The following KLHL29 variants were observed in gnomAD, a reference collection of about 807,000 sequenced individuals.
KLHL29 encodes kelch like family member 29, also known as kelch-like protein 29.
In KLHL29, 21 loss-of-function variants were observed where a neutral mutation model predicts 80.4. The ratio of observed to expected loss-of-function variants is 0.26; its 90% CI spans 0.19 to 0.38. KLHL29 has a LOEUF of 0.38. KLHL29 is among the 10% of genes least tolerant of loss of function. The pLI is 1.00. For missense variants in KLHL29, 867 were observed against 1,223.9 expected, an observed-to-expected ratio of 0.71 and a Z score of 4.35; for synonymous variants, 511 against 526.8, an observed-to-expected ratio of 0.97 and a Z score of 0.41.
chr2:23,433,752 G>A (rs925321211), intron 1 of KLHL29, among the ~76,000 whole-genome samples: 1 of 151,954 alleles, frequency 6.6e-6, no homozygotes, highest in African/African-American at 2.4e-5. Flanking sequence ...CCATCTCTAC[G>A]AAAAAAATTT....
rs1410444628 is a variant in KLHL29, at chr2:23,562,210, A to T, written c.14A>T (p.His5Leu). 6.4e-7 allele frequency: 1 copy of T among 1,550,658 alleles called. No individual in the cohort carries two copies. Among genetic ancestry groups the T allele is most frequent in the Non-Finnish European group, 8.7e-7 (1 of 1,146,966 alleles). Residue 5 changes from histidine (H) to leucine (L), a missense_variant, in exon 3 of 14, where the codon CAT (histidine) becomes CTT (leucine). This residue lies in a region of KLHL29 where 424 missense variants were observed against 456.9 expected (regional missense o/e 0.93). Coordinates refer to ENST00000486442, the MANE Select transcript of KLHL29 (RefSeq NM_052920.2). This position sits in a 1 kb window ranked among gnomAD's most constrained non-coding sequence, Gnocchi z 4.5. MSRH[H>L]SRFERDYRVG... ...CGGCCCACCGAGATGTCCCGGCACC[A>T]TAGCCGCTTCGAAAGAGATTACCGG...
Position 23,586,390 on chromosome 2 carries a change from C to T in KLHL29, c.285+23909C>T, listed in dbSNP as rs144411618. ...TTTTTTTTTTTTTTTTTTTTTGAGACGGACTCTTGTCCAGGCTGGAGTGCA... is the reference window on the plus strand; with the variant it reads ...TTTTTTTTTTTTTTTTTTTTTGAGATGGACTCTTGTCCAGGCTGGAGTGCA... On this transcript the variant is annotated intron_variant, in intron 3 of 13. Coordinates refer to ENST00000486442, the MANE Select transcript of KLHL29 (RefSeq NM_052920.2). Among the ~76,000 whole-genome samples, 32 of 111,756 alleles carry T rather than the reference C, an allele frequency of 2.9e-4. 1 individual carries two copies. Among genetic ancestry groups the T allele is most frequent in the African/African-American group, 1.1e-3 (29 of 26,352 alleles). The allele number at this position is 111,756 out of a possible 152,430, so 73.3% of individuals were successfully genotyped here.
intron 3 of KLHL29, among the ~76,000 whole-genome samples, chr2:23,635,407 G>A (rs1053725295): frequency 4.6e-5 from 7 of 152,168 alleles, no homozygotes; most frequent in Non-Finnish European, 1.0e-4. Flanking sequence ...TTCCCCCCAA[G>A]CTGGTGGAGT....
intron 3 of KLHL29, among the ~76,000 whole-genome samples, chr2:23,581,139 G>T (rs573892280): frequency 1.4e-4 from 21 of 151,896 alleles, no homozygotes; most frequent in African/African-American, 5.1e-4. Flanking sequence ...AAGGAGTGTA[G>T]CATTTAAACA....
intron 3 of KLHL29, among the ~76,000 whole-genome samples, chr2:23,618,915 C>G (rs4665233): frequency 0.35 from 53,514 of 152,074 alleles, 10,284 homozygotes; most frequent in East Asian, 0.63. Flanking sequence ...AGCCACCACT[C>G]CTCTCTGCTG....
intron 5 of KLHL29, among the ~76,000 whole-genome samples, chr2:23,663,379 C>G (rs1165765477): frequency 6.6e-6 from 1 of 152,208 alleles, no homozygotes; most frequent in Non-Finnish European, 1.5e-5. Context: ...TGCCTGTGCC[C>G]GGCAGGAGAA....
intron 1 of KLHL29, among the ~76,000 whole-genome samples, chr2:23,402,906 T>A (rs1666629044): frequency 6.6e-6 from 1 of 150,890 alleles, no homozygotes; most frequent in Non-Finnish European, 1.5e-5. Flanking sequence ...TCTTTAAATC[T>A]ATGTATGTGT....
At chr2:23,568,211 T>A (rs962506654) in intron 3 of KLHL29, among the ~76,000 whole-genome samples, 1 of 152,166 alleles carries the variant, frequency 6.6e-6, no homozygotes, top group African/African-American at 2.4e-5. Flanking sequence ...AAAAAGTCCA[T>A]ACACGGATTC....
intron 3 of KLHL29, among the ~76,000 whole-genome samples, chr2:23,609,070 C>A (rs1290357932): frequency 6.6e-6 from 1 of 152,184 alleles, no homozygotes; most frequent in Non-Finnish European, 1.5e-5. Context: ...GTCTGTGATT[C>A]TATCAACCTG....
chr2:23,706,805 T>C lies in KLHL29; in HGVS notation c.*141T>C. 2 of 597,634 alleles carry C rather than the reference T, an allele frequency of 3.3e-6. No individual in the cohort carries two copies. The highest frequency in any genetic ancestry group is 5.5e-6 in the Non-Finnish European group (2 of 361,562). 37.0% of individuals were successfully genotyped at this position (597,634 alleles called of 1,614,324 possible). On this transcript the variant is annotated 3_prime_UTR_variant, in exon 14 of 14. Transcript: ENST00000486442. ...ACTGCGCTCAACATGTTGAATATTC[T>C]CTACATTGAATGTAGAAAATCATCC... is the stretch of plus-strand genomic sequence containing the variant.
intron 2 of KLHL29, among the ~76,000 whole-genome samples, chr2:23,481,148 G>A (rs1250071045): frequency 6.6e-6 from 1 of 152,154 alleles, no homozygotes; most frequent in Non-Finnish European, 1.5e-5. Context: ...TCAGTCTCTG[G>A]GAGGTGGATC....
chr2:23,531,508 C>G (rs573904661), intron 2 of KLHL29, among the ~76,000 whole-genome samples: 20 of 152,340 alleles, frequency 1.3e-4, no homozygotes, highest in African/African-American at 4.8e-4. Flanking sequence ...TCCGAGCCGC[C>G]AGGACGGAGC....
At chr2:23,672,937 A>C (rs1376666096) in intron 5 of KLHL29, 1 of 152,276 alleles carries the variant, frequency 6.6e-6, no homozygotes, top group East Asian at 1.9e-4. Context: ...CCGTGCGTGC[A>C]GGGTCAGGCC....
At chr2:23,435,032 C>G (rs941079634) in intron 1 of KLHL29, among the ~76,000 whole-genome samples, 1 of 152,168 alleles carries the variant, frequency 6.6e-6, no homozygotes, top group Non-Finnish European at 1.5e-5. Flanking sequence ...GCTGATGAAA[C>G]GCCATTCCAT....
In KLHL29 at chr2:23,696,573, G is replaced by A. The variant is rs1305490201; in HGVS notation, c.2105+60G>A. The A allele has an allele frequency of 8.3e-6, 11 of 1,327,444 alleles. No homozygotes were observed. Among genetic ancestry groups the A allele is most frequent in the Admixed American group, 2.5e-5 (1 of 40,136 alleles). 82.2% of individuals were successfully genotyped at this position (1,327,444 alleles called of 1,614,324 possible). A position where few individuals can be genotyped will look rare whatever the true frequency, so the allele number is the denominator to read the frequency against. On this transcript the variant is annotated intron_variant, in intron 11 of 13. Coordinates refer to ENST00000486442, the MANE Select transcript of KLHL29 (RefSeq NM_052920.2). This position sits in a 1 kb window ranked among gnomAD's most constrained non-coding sequence, Gnocchi z 5.5. Reference sequence around the variant, plus strand: ...TTTGCTCACCAAGAACTGAAATCACGTCACTCACTGTACCTCCCAACACCC... The same window carrying A: ...TTTGCTCACCAAGAACTGAAATCACATCACTCACTGTACCTCCCAACACCC...
At chr2:23,631,984 G>A (rs1669480202) in intron 3 of KLHL29, among the ~76,000 whole-genome samples, 1 of 152,284 alleles carries the variant, frequency 6.6e-6, no homozygotes, top group South Asian at 2.1e-4. Flanking sequence ...TGGAGTACCT[G>A]CCGAGCATCC....
Position 23,562,351 on chromosome 2 carries a change from G to A in KLHL29, c.155G>A (p.Gly52Asp), listed in dbSNP as rs1667471355. 4 of 1,542,884 alleles carry A rather than the reference G, an allele frequency of 2.6e-6. No homozygotes were observed. The highest frequency in any genetic ancestry group is 3.5e-6 in the Non-Finnish European group (4 of 1,145,256). Residue 52 changes from glycine to aspartate, a missense_variant, in exon 3 of 14, where the codon GGC (glycine) becomes GAC (aspartate). Physicochemically the swap from Gly to Asp is moderately conservative, Grantham distance 94. Around this residue, in one of 2 missense-constraint regions of KLHL29, gnomAD observed 424 missense variants for 456.9 expected, o/e 0.93. Transcript: ENST00000486442. The surrounding 1 kb of genome is among the most constrained non-coding windows in gnomAD (Gnocchi z 4.5). ...GTASSLSVRP[G>D]LLPLPVVPSR... ...GCCAGCAGCCTCAGCGTCCGGCCCGGCCTCCTGCCGCTGCCCGTGGTGCCC... is the reference window on the plus strand; with the variant it reads ...GCCAGCAGCCTCAGCGTCCGGCCCGACCTCCTGCCGCTGCCCGTGGTGCCC...
chr2:23,695,994 G>A lies in KLHL29; in HGVS notation c.1785G>A (p.Val595=), dbSNP rs1671930495. 6.4e-7 allele frequency: 1 copy of A among 1,551,686 alleles called. No homozygotes were observed. Residue 595 remains valine, a synonymous_variant, in exon 10 of 14, where the codon GTG becomes GTA. Transcript: ENST00000486442. The surrounding 1 kb of genome is among the most constrained non-coding windows in gnomAD (Gnocchi z 7.6). The part of the protein sequence containing the change: ...VIVLVGGRQM[V]GMTQRSLVAV... ...TCTTGGTTGGGGGCCGTCAGATGGT[G>A]GGGATGACCCAGCGCTCGCTGGTGG... is the stretch of plus-strand genomic sequence containing the variant.
At position 23,627,910 on chromosome 2, in the gene KLHL29, C is replaced by T. The variant is rs868193275; in HGVS notation, c.286-11229C>T. Among the ~76,000 whole-genome samples, 36 of 120,652 alleles carry T rather than the reference C, an allele frequency of 3.0e-4. 1 individual carries two copies. The highest frequency in any genetic ancestry group is 5.4e-4 in the South Asian group (2 of 3,726). The allele number at this position is 120,652 out of a possible 152,430, so 79.2% of individuals were successfully genotyped here. ...GACTAGAAAGGAGGAGGCCAGGAGT[C>T]TTTTTTTTTTTTTTGAGATGGAGTC... On this transcript the variant is annotated intron_variant, in intron 3 of 13. Transcript: ENST00000486442.
Sources: allele counts gnomAD v4.1 joint callset (sites outside exome capture counted in the v4.1 genomes callset), GRCh38; gene constraint gnomAD v4.1.1; regional missense constraint gnomAD v4.1.1; non-coding constraint Gnocchi (gnomAD v3.1); transcripts MANE v1.5; gene names NCBI Gene and HGNC (gene_info 2026-07-23, HGNC 2026-07-21).